The following ROBO1 variants were observed in gnomAD, a reference collection of about 807,000 sequenced individuals.
The protein encoded by ROBO1 is roundabout guidance receptor 1, also known as roundabout homolog 1.
A neutral mutation model predicts 195.9 loss-of-function variants in ROBO1; 149 were observed. The observed-to-expected ratio is 0.76, with a 90% confidence interval of 0.67 to 0.87. The LOEUF (loss-of-function observed/expected upper bound fraction) is 0.87. Ranked by LOEUF, ROBO1 falls within the 40% of genes least tolerant of loss-of-function variation. The pLI, the probability that ROBO1 is intolerant of heterozygous loss-of-function variation, is 0.00. For missense variants in ROBO1, 1,933 were observed against 2,068.3 expected, an observed-to-expected ratio of 0.93 and a Z score of 1.27; for synonymous variants, 816 against 733.2, an observed-to-expected ratio of 1.11 and a Z score of -1.82.
intron 2 of ROBO1, among the ~76,000 whole-genome samples, chr3:79,339,299 C>T (rs561136120): frequency 2.0e-5 from 3 of 152,192 alleles, no homozygotes; most frequent in African/African-American, 7.2e-5. Flanking sequence ...GTAAATAAAA[C>T]CCAAAATCTT....
intron 3 of ROBO1, among the ~76,000 whole-genome samples, chr3:79,058,548 G>A (rs766346436): frequency 1.4e-4 from 21 of 151,948 alleles, no homozygotes; most frequent in South Asian, 4.1e-4. Flanking sequence ...CAGTATCAAC[G>A]TAGATCCAGA....
At chr3:79,621,773 T>A (rs1261732192) in intron 1 of ROBO1, among the ~76,000 whole-genome samples, 1 of 152,094 alleles carries the variant, frequency 6.6e-6, no homozygotes, top group African/African-American at 2.4e-5. Flanking sequence ...CATTTAAACA[T>A]GAAAATATAA....
chr3:79,450,704 G>T (rs2039415773), intron 2 of ROBO1, among the ~76,000 whole-genome samples: 2 of 151,720 alleles, frequency 1.3e-5, no homozygotes. Context: ...ATATAAGAAA[G>T]ATGAACAACT....
At chr3:79,204,950 C>T (rs560584387) in intron 2 of ROBO1, among the ~76,000 whole-genome samples, 1 of 151,236 alleles carries the variant, frequency 6.6e-6, no homozygotes, top group Non-Finnish European at 1.5e-5. Flanking sequence ...ATTTTTCTCG[C>T]TTCCTTTCTT....
At chr3:79,100,406 A>G (rs1370008254) in intron 3 of ROBO1, among the ~76,000 whole-genome samples, 1 of 151,552 alleles carries the variant, frequency 6.6e-6, no homozygotes, top group Non-Finnish European at 1.5e-5. Flanking sequence ...TTTTTTCCCT[A>G]AACCATATTA....
intron 3 of ROBO1, among the ~76,000 whole-genome samples, chr3:78,951,481 A>G (rs112726210): frequency 0.011 from 1,659 of 152,212 alleles, 33 homozygotes; most frequent in African/African-American, 0.037. Context: ...CACATTCTGC[A>G]TAGTAAACCT....
intron 2 of ROBO1, among the ~76,000 whole-genome samples, chr3:79,167,167 T>C (rs1370100858): frequency 7.6e-6 from 1 of 130,862 alleles, no homozygotes; most frequent in Admixed American, 7.3e-5. Flanking sequence ...AGAAAGGTCT[T>C]TTAGGTTTGA....
intron 2 of ROBO1, among the ~76,000 whole-genome samples, chr3:79,350,094 G>A (rs540049288): frequency 6.6e-6 from 1 of 152,190 alleles, no homozygotes; most frequent in Non-Finnish European, 1.5e-5. Flanking sequence ...GCATAATAAA[G>A]AGATACATAG....
At chr3:79,303,930 A>G (rs1298017120) in intron 2 of ROBO1, among the ~76,000 whole-genome samples, 2 of 152,178 alleles carry the variant, frequency 1.3e-5, no homozygotes, top group Non-Finnish European at 2.9e-5. Context: ...GGGATAGGAC[A>G]GGTAAGAAAA....
At chr3:79,574,085 T>G (rs762317509) in intron 2 of ROBO1, among the ~76,000 whole-genome samples, 1 of 152,192 alleles carries the variant, frequency 6.6e-6, no homozygotes, top group African/African-American at 2.4e-5. Context: ...TTAAAAAAAT[T>G]TTAGGGTGGT....
chr3:78,954,760 A>G (rs2040956744), intron 3 of ROBO1, among the ~76,000 whole-genome samples: 1 of 152,002 alleles, frequency 6.6e-6, no homozygotes, highest in East Asian at 1.9e-4. Flanking sequence ...GCAGATGGTT[A>G]TATATTTGAG....
intron 1 of ROBO1, among the ~76,000 whole-genome samples, chr3:79,631,434 T>A (rs1447878914): frequency 6.6e-6 from 1 of 152,048 alleles, no homozygotes; most frequent in African/African-American, 2.4e-5. Flanking sequence ...GATAGCCATA[T>A]GCAGAAGAAT....
At chr3:79,707,158 T>C (rs1947797004) in intron 1 of ROBO1, among the ~76,000 whole-genome samples, 1 of 152,190 alleles carries the variant, frequency 6.6e-6, no homozygotes, top group Non-Finnish European at 1.5e-5. Flanking sequence ...TTATTTATTA[T>C]TGCTTTAATT....
intron 4 of ROBO1, among the ~76,000 whole-genome samples, chr3:78,813,196 T>C (rs1358125329): frequency 1.3e-5 from 2 of 151,698 alleles, no homozygotes; most frequent in Admixed American, 6.6e-5. Context: ...AGGAAGAAAA[T>C]AATTTGTATT....
chr3:79,045,389 C>A (rs2078572162), intron 3 of ROBO1, among the ~76,000 whole-genome samples: 1 of 151,966 alleles, frequency 6.6e-6, no homozygotes, highest in Non-Finnish European at 1.5e-5. Context: ...GTGTTAGCTT[C>A]AAAATTATCA....
chr3:79,103,340 G>A (rs2079713901), intron 3 of ROBO1, among the ~76,000 whole-genome samples: 2 of 151,728 alleles, frequency 1.3e-5, no homozygotes, highest in South Asian at 2.1e-4. Flanking sequence ...CTAAGACACC[G>A]GTTTTCGGTC....
intron 1 of ROBO1, among the ~76,000 whole-genome samples, chr3:79,677,991 A>T (rs1390680798): frequency 1.3e-5 from 2 of 152,138 alleles, no homozygotes; most frequent in African/African-American, 4.8e-5. Flanking sequence ...AAGGAACAAG[A>T]GTTATATATG....
chr3:79,021,730 G>C (rs893333543), intron 3 of ROBO1, among the ~76,000 whole-genome samples: 8 of 143,784 alleles, frequency 5.6e-5, no homozygotes, highest in South Asian at 2.2e-4. Context: ...GCGCGATCTC[G>C]GCTCACTGCA....
intron 1 of ROBO1, among the ~76,000 whole-genome samples, chr3:79,758,056 A>G (rs954146169): frequency 2.0e-5 from 3 of 152,304 alleles, no homozygotes; most frequent in East Asian, 3.9e-4. Flanking sequence ...CAACACAATC[A>G]TTAGTATAAT....
Sources: gnomAD v4.1 joint callset for allele counts (sites outside exome capture counted in the v4.1 genomes callset) on GRCh38, gnomAD v4.1.1 for gene constraint, MANE v1.5 for transcripts, NCBI Gene and HGNC (gene_info 2026-07-23, HGNC 2026-07-21) for gene names.